The following RPIA variants were observed in gnomAD, a reference collection of about 807,000 sequenced individuals.
RPIA encodes ribose-5-phosphate isomerase.
Under a neutral mutation model 37.8 loss-of-function variants are expected in RPIA, and 29 were observed. That is an observed-to-expected ratio of 0.77 (90% CI 0.57 to 1.05). The LOEUF (loss-of-function observed/expected upper bound fraction) is 1.05. Ranked by LOEUF, RPIA falls within the 50% of genes least tolerant of loss-of-function variation. The pLI, the probability that RPIA is intolerant of heterozygous loss-of-function variation, is 0.00. For synonymous variants in RPIA, 167 were observed against 157.0 expected (o/e 1.06, Z -0.48); for missense variants, 385 against 413.6 (o/e 0.93, Z 0.60).
intron 1 of RPIA, among the ~76,000 whole-genome samples, chr2:88,692,840 T>C (rs1212228060): frequency 6.6e-6 from 1 of 152,246 alleles, no homozygotes. Flanking sequence ...CATTTGTTAA[T>C]GCTTTACAAA....
intron 3 of RPIA, among the ~76,000 whole-genome samples, chr2:88,700,564 A>G (rs1273718216): frequency 6.6e-6 from 1 of 152,066 alleles, no homozygotes; most frequent in Non-Finnish European, 1.5e-5. Flanking sequence ...AGGCGGGAGG[A>G]TCTCCCTTGA....
intron 2 of RPIA, among the ~76,000 whole-genome samples, chr2:88,699,676 G>A (rs1672804245): frequency 6.6e-6 from 1 of 152,186 alleles, no homozygotes; most frequent in South Asian, 2.1e-4. Context: ...TCTGCAAAAT[G>A]CGGAAAATAA....
At chr2:88,714,572 C>A (rs1193682354) in intron 3 of RPIA, among the ~76,000 whole-genome samples, 1 of 152,156 alleles carries the variant, frequency 6.6e-6, no homozygotes, top group African/African-American at 2.4e-5. Context: ...CTCCTGATGT[C>A]AGATCATTTG....
At chr2:88,717,684 TA>T (rs1427860581) in intron 3 of RPIA, among the ~76,000 whole-genome samples, 1 of 152,148 alleles carries the variant, frequency 6.6e-6, no homozygotes, top group Non-Finnish European at 1.5e-5. Context: ...CCCTTTCTTT[TA>T]AAAAATCTTT....
rs1053178046 is a variant in RPIA, at chr2:88,736,544, G to A, written c.606G>A (p.Ser202=). The change falls in exon 7 of 9, where the codon TCG becomes TCA. Residue 202 remains serine, a synonymous_variant. Transcript: ENST00000283646. ...GACTCCTTCTTTCCAGGAAAGATTCGAAGAATCTCGGGGATCAGTGGCACA... is the reference window on the plus strand; with the variant it reads ...GACTCCTTCTTTCCAGGAAAGATTCAAAGAATCTCGGGGATCAGTGGCACA... ...FIVIADFRKD[S]KNLGDQWHKG... 25 of 1,613,914 alleles carry A rather than the reference G, an allele frequency of 1.5e-5. No homozygotes were observed. The highest frequency in any genetic ancestry group is 1.9e-5 in the Non-Finnish European group (22 of 1,180,016).
intron 3 of RPIA, among the ~76,000 whole-genome samples, chr2:88,712,776 C>T (rs191155503): frequency 3.3e-5 from 5 of 152,118 alleles, no homozygotes; most frequent in Non-Finnish European, 5.9e-5. Context: ...AACTGTAAGC[C>T]GCTATACTTG....
chr2:88,738,190 A>G, intron 8 of RPIA, 114 bp downstream of exon 8: 1 of 796,346 alleles, frequency 1.3e-6, no homozygotes, highest in African/African-American at 1.7e-5. Context: ...TTGGTTGGAA[A>G]GAAGAATTCC....
chr2:88,744,284 T>C (rs1159935954), intron 8 of RPIA, among the ~76,000 whole-genome samples: 3 of 152,246 alleles, frequency 2.0e-5, no homozygotes, highest in Non-Finnish European at 4.4e-5. Flanking sequence ...CAGGAGCAGA[T>C]TATTTAATTT....
intron 8 of RPIA, among the ~76,000 whole-genome samples, chr2:88,742,687 ATGTGTCCCATT>A (rs1340456715): frequency 6.6e-6 from 1 of 151,652 alleles, no homozygotes; most frequent in Non-Finnish European, 1.5e-5. Context: ...TGAGCATGGG[ATGTGTCCCATT>A]TGTGTTGTCT....
At chr2:88,728,379 G>T (rs1673223841) in intron 3 of RPIA, among the ~76,000 whole-genome samples, 1 of 152,126 alleles carries the variant, frequency 6.6e-6, no homozygotes, top group African/African-American at 2.4e-5. Context: ...GAGAAAAATT[G>T]CCAAGGGTCA....
chr2:88,741,665 A>G (rs1442349720), intron 8 of RPIA, among the ~76,000 whole-genome samples: 7 of 152,210 alleles, frequency 4.6e-5, no homozygotes, highest in Admixed American at 4.6e-4. Context: ...ACTGTTTTCC[A>G]CAGTGGTTGT....
intron 1 of RPIA, among the ~76,000 whole-genome samples, chr2:88,695,987 T>G (rs1048145818): frequency 6.6e-6 from 1 of 152,108 alleles, no homozygotes; most frequent in Non-Finnish European, 1.5e-5. Context: ...TTTCTAGTTA[T>G]AGATGTAGTC....
chr2:88,733,269 A>C (rs1673275071), intron 4 of RPIA, among the ~76,000 whole-genome samples: 1 of 152,120 alleles, frequency 6.6e-6, no homozygotes, highest in Non-Finnish European at 1.5e-5. Context: ...GTTGGTGCAT[A>C]GTGGGGAGAG....
intron 3 of RPIA, among the ~76,000 whole-genome samples, chr2:88,724,791 G>A (rs1673176606): frequency 6.6e-6 from 1 of 152,172 alleles, no homozygotes; most frequent in South Asian, 2.1e-4. Flanking sequence ...GTACCTGAAA[G>A]CCAGAACTGG....
chr2:88,717,500 G>T (rs770115268), intron 3 of RPIA, among the ~76,000 whole-genome samples: 2 of 152,266 alleles, frequency 1.3e-5, no homozygotes, highest in Non-Finnish European at 1.5e-5. Context: ...AGAGACAAAT[G>T]GTTGCATTCT....
At chr2:88,718,891 G>GT (rs201481996) in intron 3 of RPIA, among the ~76,000 whole-genome samples, 2 of 152,080 alleles carry the variant, frequency 1.3e-5, no homozygotes, top group East Asian at 1.9e-4. Flanking sequence ...CTTAAAAGAA[G>GT]TTTTTTTGAC....
At chr2:88,692,032 G>A (rs1676942687) in intron 1 of RPIA, 49 bp downstream of exon 1, 2 of 1,535,372 alleles carry the variant, frequency 1.3e-6, no homozygotes, top group South Asian at 2.4e-5. Context: ...TTGGCGTGAT[G>A]GGCTACTGTT....
intron 2 of RPIA, 41 bp downstream of exon 2, chr2:88,698,585 G>A: frequency 1.9e-6 from 3 of 1,574,686 alleles, no homozygotes; most frequent in Non-Finnish European, 2.6e-6. Context: ...TGTGTGTGAT[G>A]ATGGGGTAGG....
intron 1 of RPIA, among the ~76,000 whole-genome samples, chr2:88,692,399 G>C (rs1293715058): frequency 6.6e-6 from 1 of 152,274 alleles, no homozygotes; most frequent in African/African-American, 2.4e-5. Flanking sequence ...GAGTTGGTTT[G>C]CTAGTGCTTT....
Sources: gnomAD v4.1 joint callset for allele counts (sites outside exome capture counted in the v4.1 genomes callset) on GRCh38, gnomAD v4.1.1 for gene constraint, MANE v1.5 for transcripts, NCBI Gene and HGNC (gene_info 2026-07-23, HGNC 2026-07-21) for gene names.